KCNIP4: variants seen among roughly 807,000 people sequenced by gnomAD.
KCNIP4 encodes potassium voltage-gated channel interacting protein 4.
Under a neutral mutation model 34.0 loss-of-function variants are expected in KCNIP4, and 12 were observed. That is an observed-to-expected ratio of 0.35 (90% CI 0.23 to 0.57). The LOEUF is 0.57. KCNIP4 is among the 20% of genes least tolerant of loss of function. The pLI is 0.83. For synonymous variants in KCNIP4, 124 were observed against 102.2 expected (o/e 1.21, Z -1.29); for missense variants, 238 against 311.7 (o/e 0.76, Z 1.78).
At chr4:21,319,337 TAC>T (rs991407940) in intron 1 of KCNIP4, among the ~76,000 whole-genome samples, 1 of 152,236 alleles carries the variant, frequency 6.6e-6, no homozygotes, top group Admixed American at 6.5e-5. Flanking sequence ...ACACATGCTA[TAC>T]ACAGAGTGAA....
At chr4:20,961,304 G>T (rs1733825819) in intron 1 of KCNIP4, among the ~76,000 whole-genome samples, 1 of 152,108 alleles carries the variant, frequency 6.6e-6, no homozygotes, top group South Asian at 2.1e-4. Flanking sequence ...AAAACATCCT[G>T]AATTAAAAAG....
At chr4:20,986,959 G>C (rs1253378934) in intron 1 of KCNIP4, among the ~76,000 whole-genome samples, 2 of 152,082 alleles carry the variant, frequency 1.3e-5, no homozygotes, top group Admixed American at 6.5e-5. Flanking sequence ...TGTGGCTACC[G>C]GATCGAATCT....
intron 5 of KCNIP4, among the ~76,000 whole-genome samples, chr4:20,738,147 C>T (rs2149289443): frequency 1.3e-5 from 2 of 151,012 alleles, no homozygotes; most frequent in Middle Eastern, 3.4e-3. Flanking sequence ...AAAAAAAAAT[C>T]CTTAGCTTTT....
intron 3 of KCNIP4, among the ~76,000 whole-genome samples, chr4:20,769,397 T>C (rs1037164942): frequency 2.6e-5 from 4 of 152,308 alleles, no homozygotes; most frequent in Admixed American, 2.6e-4. Context: ...TAGAATTGTT[T>C]GATTTACGGA....
At chr4:21,692,799 C>A (rs931014932) in intron 1 of KCNIP4, among the ~76,000 whole-genome samples, 1 of 146,396 alleles carries the variant, frequency 6.8e-6, no homozygotes, top group Non-Finnish European at 1.5e-5. Flanking sequence ...GTCAGGGCCA[C>A]TTGAACTGGG....
intron 1 of KCNIP4, among the ~76,000 whole-genome samples, chr4:21,344,346 C>T (rs1295088714): frequency 2.0e-5 from 3 of 152,026 alleles, no homozygotes; most frequent in African/African-American, 7.2e-5. Context: ...AGTGGGACTT[C>T]AGAGGATGAG....
intron 1 of KCNIP4, among the ~76,000 whole-genome samples, chr4:21,177,858 T>TTATATATATATATATATATATATATA (rs3080785): frequency 5.0e-5 from 7 of 139,312 alleles, no homozygotes; most frequent in African/African-American, 1.9e-4. Flanking sequence ...AAAAAAAAAA[T>TTATATATATATATATATATATATATA]TATATATATA....
chr4:21,811,068 CAGAG>C lies in KCNIP4; in HGVS notation c.61+137499_61+137502del, dbSNP rs566674251. ...GCAGCATTAGTCCCACTTTAACTAA[CAGAG>C]AAAGACATTTACCACATGCTTGACT... is the stretch of plus-strand genomic sequence containing the variant. On this transcript the variant is annotated intron_variant, in intron 1 of 8. Transcript: ENST00000382152. Among the ~76,000 whole-genome samples the C allele has an allele frequency of 7.2e-5, 11 of 152,292 alleles. No individual in the cohort carries two copies. In the South Asian group the frequency reaches 2.1e-3, roughly 29 times the overall value.
intron 1 of KCNIP4, among the ~76,000 whole-genome samples, chr4:21,112,053 C>CTATCTATCTATCTATCTATCTATCTATA (rs1560732945): frequency 2.6e-5 from 4 of 152,024 alleles, no homozygotes; most frequent in African/African-American, 9.7e-5. Context: ...ATCTATCTAT[C>CTATCTATCTATCTATCTATCTATCTATA]TATCTATCTA....
At chr4:21,706,607 T>C (rs191899719) in intron 1 of KCNIP4, among the ~76,000 whole-genome samples, 7 of 152,278 alleles carry the variant, frequency 4.6e-5, no homozygotes, top group Admixed American at 3.9e-4. Context: ...CTTCTTAGAA[T>C]GGAAAAATAA....
intron 1 of KCNIP4, among the ~76,000 whole-genome samples, chr4:20,955,393 G>A (rs1014335747): frequency 6.6e-6 from 1 of 152,126 alleles, no homozygotes; most frequent in Non-Finnish European, 1.5e-5. Flanking sequence ...TCTGTGAACA[G>A]ACACTGATAC....
chr4:21,875,999 GT>G (rs1325283678), intron 1 of KCNIP4, among the ~76,000 whole-genome samples: 16 of 152,130 alleles, frequency 1.1e-4, no homozygotes, highest in Non-Finnish European at 1.5e-4. Context: ...GTTCTTAATT[GT>G]TTTTGAACCA....
At chr4:21,690,341 T>G (rs1051008467) in intron 1 of KCNIP4, among the ~76,000 whole-genome samples, 1 of 151,894 alleles carries the variant, frequency 6.6e-6, no homozygotes, top group African/African-American at 2.4e-5. Context: ...GGTTTGGATG[T>G]TTTGTCCCCT....
At chr4:21,044,904 G>C (rs1270098914) in intron 1 of KCNIP4, among the ~76,000 whole-genome samples, 1 of 152,144 alleles carries the variant, frequency 6.6e-6, no homozygotes, top group Non-Finnish European at 1.5e-5. Flanking sequence ...TCACCAACTA[G>C]GAAGCACCTT....
intron 1 of KCNIP4, among the ~76,000 whole-genome samples, chr4:20,988,575 G>T (rs953731738): frequency 2.0e-5 from 3 of 152,138 alleles, no homozygotes; most frequent in Non-Finnish European, 4.4e-5. Flanking sequence ...AAAAATAAGT[G>T]TAGCAAGATT....
At chr4:21,735,044 T>C (rs947530520) in intron 1 of KCNIP4, among the ~76,000 whole-genome samples, 1 of 152,124 alleles carries the variant, frequency 6.6e-6, no homozygotes, top group Admixed American at 6.6e-5. Context: ...GAATTTCTTC[T>C]GTGTTCCAAG....
chr4:21,746,210 A>G (rs530744916), intron 1 of KCNIP4, among the ~76,000 whole-genome samples: 1 of 152,268 alleles, frequency 6.6e-6, no homozygotes, highest in Admixed American at 6.5e-5. Context: ...TTAAAGCCCT[A>G]TCTTCAAATA....
intron 1 of KCNIP4, among the ~76,000 whole-genome samples, chr4:21,110,052 C>G (rs7696284): frequency 0.29 from 43,432 of 152,034 alleles, 6,766 homozygotes; most frequent in African/African-American, 0.42. Flanking sequence ...GCCTGCTCTA[C>G]TATTAACTAT....
intron 1 of KCNIP4, among the ~76,000 whole-genome samples, chr4:21,815,552 C>T (rs1721939474): frequency 6.6e-6 from 1 of 152,010 alleles, no homozygotes; most frequent in East Asian, 1.9e-4. Context: ...AGCAAAAAGA[C>T]CTCAAGCTTT....
Sources: allele counts gnomAD v4.1 joint callset (sites outside exome capture counted in the v4.1 genomes callset), GRCh38; gene constraint gnomAD v4.1.1; transcripts MANE v1.5; gene names NCBI Gene and HGNC (gene_info 2026-07-23, HGNC 2026-07-21).